CARMIL1: variants seen among roughly 807,000 people sequenced by gnomAD.
CARMIL1 encodes capping protein regulator and myosin 1 linker 1.
In CARMIL1, 90 loss-of-function variants were observed where a neutral mutation model predicts 177.1. The observed-to-expected ratio is 0.51, with a 90% CI of 0.43 to 0.61. CARMIL1 has a LOEUF of 0.61. Ranked by LOEUF, CARMIL1 falls within the 20% of genes least tolerant of loss-of-function variation. The pLI is 0.00. For synonymous variants in CARMIL1, 577 were observed against 606.2 expected, an observed-to-expected ratio of 0.95 and a Z score of 0.71; for missense variants, 1,380 against 1,667.0, an observed-to-expected ratio of 0.83 and a Z score of 3.00.
chr6:25,441,337 A>ATATATATATATATATATATATATATGTG, intron 5 of CARMIL1, among the ~76,000 whole-genome samples: 2 of 94,536 alleles, frequency 2.1e-5, no homozygotes, highest in African/African-American at 4.4e-5. Flanking sequence ...ATATATATAT[A>ATATATATATATATATATATATATATGTG]TGTGTGTGTG....
At chr6:25,353,972 G>A (rs1267581493) in intron 2 of CARMIL1, among the ~76,000 whole-genome samples, 1 of 152,178 alleles carries the variant, frequency 6.6e-6, no homozygotes, top group Non-Finnish European at 1.5e-5. Context: ...AACTAGGAAT[G>A]GGGTGCTACT....
chr6:25,553,914 T>C, intron 27 of CARMIL1, 95 bp from the exon 28 acceptor site: 1 of 747,834 alleles, frequency 1.3e-6, no homozygotes, highest in Non-Finnish European at 2.3e-6. Flanking sequence ...AGAAATGGAA[T>C]CACAGTTGAC....
At chr6:25,406,754 G>C (rs1037180847) in intron 2 of CARMIL1, among the ~76,000 whole-genome samples, 1 of 152,206 alleles carries the variant, frequency 6.6e-6, no homozygotes, top group African/African-American at 2.4e-5. Context: ...GGGAAGGGCA[G>C]ATTTTGAAAG....
chr6:25,401,601 G>GCAATT (rs1793886232), intron 2 of CARMIL1, among the ~76,000 whole-genome samples: 1 of 152,106 alleles, frequency 6.6e-6, no homozygotes, highest in Non-Finnish European at 1.5e-5. Flanking sequence ...TAATCTCTTG[G>GCAATT]GTCATGCAAT....
intron 26 of CARMIL1, among the ~76,000 whole-genome samples, chr6:25,540,282 T>C (rs192434472): frequency 2.6e-5 from 4 of 152,382 alleles, no homozygotes; most frequent in African/African-American, 9.6e-5. Context: ...GGTAAACCTC[T>C]AAATGTACCT....
intron 24 of CARMIL1, among the ~76,000 whole-genome samples, chr6:25,530,602 G>A (rs574455740): frequency 2.0e-4 from 30 of 152,144 alleles, no homozygotes; most frequent in Non-Finnish European, 4.1e-4. Flanking sequence ...TTCCTCGTTT[G>A]GAAGCGGATT....
Position 25,443,390 on chromosome 6 carries a change from G to T in CARMIL1, c.372-6508G>T, listed in dbSNP as rs542950331. Among the ~76,000 whole-genome samples the T allele has an allele frequency of 6.6e-5, 10 of 152,256 alleles. No homozygotes were observed. The South Asian group carries it at 2.1e-3, about 32-fold the overall frequency. On this transcript the variant is annotated intron_variant, in intron 5 of 36. Coordinates refer to ENST00000329474, the MANE Select transcript of CARMIL1 (RefSeq NM_017640.6). ...GGTTACCCCGAAGTATTAAAATAAT[G>T]GTTCTTAATTACAGGTTCCTTTGGG...
At chr6:25,433,795 CACTT>C (rs771850539) in intron 4 of CARMIL1, among the ~76,000 whole-genome samples, 23 of 152,282 alleles carry the variant, frequency 1.5e-4, no homozygotes, top group Non-Finnish European at 2.9e-4. Flanking sequence ...ACATCTGAAA[CACTT>C]ACATTATTTA....
At position 25,427,908 on chromosome 6, in the gene CARMIL1, T is replaced by TA. The variant is rs1403417895; in HGVS notation, c.249+1355dup. Among the ~76,000 whole-genome samples the TA allele has an allele frequency of 9.3e-4, 142 of 152,302 alleles. 1 individual carries two copies. The highest frequency in any genetic ancestry group is 3.2e-3 in the African/African-American group (135 of 41,564). On this transcript the variant is annotated intron_variant, in intron 4 of 36. Coordinates refer to ENST00000329474, the MANE Select transcript of CARMIL1 (RefSeq NM_017640.6). ...GTTTTCTTATTGAATTTTGAGTTTTTAAAAAAATACATTCTGGATACAAAG... is the reference window on the plus strand; with the variant it reads ...GTTTTCTTATTGAATTTTGAGTTTTTAAAAAAAATACATTCTGGATACAAAG...
intron 29 of CARMIL1, among the ~76,000 whole-genome samples, chr6:25,560,644 C>G (rs1382266024): frequency 6.6e-6 from 1 of 152,106 alleles, no homozygotes; most frequent in Non-Finnish European, 1.5e-5. Context: ...CCAAGGTTAA[C>G]CAAAGGCAGG....
At chr6:25,441,335 A>ATGTGTGTGTGTGTGTGTG (rs1348225958) in intron 5 of CARMIL1, among the ~76,000 whole-genome samples, 20 of 66,846 alleles carry the variant, frequency 3.0e-4, no homozygotes, top group Middle Eastern at 0.014. Flanking sequence ...ATATATATAT[A>ATGTGTGTGTGTGTGTGTG]TATGTGTGTG....
chr6:25,410,927 C>T (rs749166022), intron 2 of CARMIL1, among the ~76,000 whole-genome samples: 3 of 152,168 alleles, frequency 2.0e-5, no homozygotes, highest in Non-Finnish European at 2.9e-5. Context: ...GAAAAGGGCA[C>T]ACATATCCCC....
At chr6:25,314,162 C>T (rs534502843) in intron 2 of CARMIL1, among the ~76,000 whole-genome samples, 1 of 141,066 alleles carries the variant, frequency 7.1e-6, no homozygotes, top group Non-Finnish European at 1.6e-5. Flanking sequence ...TGTGGCTGGG[C>T]CTAGTGGCTT....
chr6:25,292,363 T>C (rs1389917706), intron 2 of CARMIL1, among the ~76,000 whole-genome samples: 2 of 152,198 alleles, frequency 1.3e-5, no homozygotes, highest in Non-Finnish European at 2.9e-5. Flanking sequence ...GGGAGTGAGT[T>C]ATCAGAGAAC....
chr6:25,427,775 T>C (rs1279615159), intron 4 of CARMIL1, among the ~76,000 whole-genome samples: 2 of 152,218 alleles, frequency 1.3e-5, no homozygotes, highest in Non-Finnish European at 2.9e-5. Context: ...GCTTTTTCAT[T>C]GTGGTTTTAA....
At chr6:25,305,071 C>T (rs1783155697) in intron 2 of CARMIL1, among the ~76,000 whole-genome samples, 1 of 152,152 alleles carries the variant, frequency 6.6e-6, no homozygotes, top group Non-Finnish European at 1.5e-5. Flanking sequence ...TTTGGCATTT[C>T]TGAATATAAC....
intron 2 of CARMIL1, among the ~76,000 whole-genome samples, chr6:25,341,604 G>A (rs545931100): frequency 1.5e-4 from 23 of 152,344 alleles, no homozygotes; most frequent in South Asian, 8.3e-4. Context: ...TGTAGTCCCA[G>A]CTACTTGGGA....
At chr6:25,427,280 C>T (rs114156841) in intron 4 of CARMIL1, among the ~76,000 whole-genome samples, 3,609 of 152,198 alleles carry the variant, frequency 0.024, 51 homozygotes, top group Middle Eastern at 0.054. Context: ...CCATCCATCA[C>T]CTAGGTATTA....
At chr6:25,539,359 G>C (rs1262992485) in intron 25 of CARMIL1, among the ~76,000 whole-genome samples, 3 of 152,000 alleles carry the variant, frequency 2.0e-5, no homozygotes, top group Non-Finnish European at 4.4e-5. Flanking sequence ...TTTAGTGTAT[G>C]CAGAGAACTG....
Sources: allele counts gnomAD v4.1 joint callset (sites outside exome capture counted in the v4.1 genomes callset), GRCh38; gene constraint gnomAD v4.1.1; transcripts MANE v1.5; gene names NCBI Gene and HGNC (gene_info 2026-07-23, HGNC 2026-07-21).